Variants in DIAPH2 observed in about 807,000 individuals in gnomAD.
DIAPH2 encodes the protein diaphanous related formin 2.
In DIAPH2, 35 loss-of-function variants were observed where a neutral mutation model predicts 92.7. The observed-to-expected ratio is 0.38, with a 90% confidence interval of 0.29 to 0.50. DIAPH2 has a LOEUF of 0.50. Ranked by LOEUF, DIAPH2 falls within the 20% of genes least tolerant of loss-of-function variation. DIAPH2 has a pLI of 0.94. For synonymous variants in DIAPH2, 301 were observed against 280.4 expected (o/e 1.07, Z -0.73); for missense variants, 701 against 819.5 (o/e 0.86, Z 1.77).
At chrX:97,431,554 C>T (rs1055895039) in intron 26 of DIAPH2, 5 of 112,340 alleles carry the variant, frequency 4.5e-5, no homozygotes, top group African/African-American at 1.3e-4. Flanking sequence ...TATTCACAAA[C>T]TGCATAATTT....
At chrX:96,790,900 G>A (rs758048543) in intron 4 of DIAPH2, among the ~76,000 whole-genome samples, 39 of 111,290 alleles carry the variant, frequency 3.5e-4, no homozygotes, top group African/African-American at 9.8e-4. Flanking sequence ...ATCTTGATGA[G>A]GTATTATCAA....
chrX:97,561,917 A>G (rs2071296478), intron 26 of DIAPH2, among the ~76,000 whole-genome samples: 1 of 112,386 alleles, frequency 8.9e-6, no homozygotes. Context: ...TTTACTATGG[A>G]TATAGTCATA....
At chrX:97,068,227 A>G (rs2066646127) in intron 17 of DIAPH2, among the ~76,000 whole-genome samples, 1 of 111,689 alleles carries the variant, frequency 9.0e-6, no homozygotes, top group Non-Finnish European at 1.9e-5. Flanking sequence ...CATATGATCA[A>G]GTTTGTCCTT....
intron 10 of DIAPH2, among the ~76,000 whole-genome samples, chrX:96,934,316 C>T (rs921214544): frequency 3.6e-5 from 4 of 111,597 alleles, no homozygotes; most frequent in Admixed American, 1.9e-4. Context: ...AAAATCCTTA[C>T]GTTTTCTTCT....
chrX:97,411,796 G>C (rs2069877177), intron 25 of DIAPH2, among the ~76,000 whole-genome samples: 1 of 111,727 alleles, frequency 9.0e-6, no homozygotes, highest in African/African-American at 3.3e-5. Context: ...AAGATCAAAA[G>C]AGACAAAGAA....
chrX:96,989,930 TAG>T (rs1190909508), intron 17 of DIAPH2, among the ~76,000 whole-genome samples: 1 of 112,297 alleles, frequency 8.9e-6, no homozygotes, highest in Non-Finnish European at 1.9e-5. Flanking sequence ...TTAAAACATG[TAG>T]AGAGTCATGC....
chrX:96,930,837 G>A lies in DIAPH2; in HGVS notation c.1083G>A (p.Met361Ile). ...TCCTCCGTTCAGGACTAAAAACAAT[G>A]TTACCAGTAAGTTGAATGTATACAT... ...NEFLRSGLKT[M>I]LPDLKEKEND... Residue 361 changes from methionine (M) to isoleucine (I), a missense_variant, in exon 10 of 27, where the codon ATG (methionine) becomes ATA (isoleucine). This residue lies in a region of DIAPH2 where 536 missense variants were observed against 599.3 expected (regional missense o/e 0.89). Transcript: ENST00000324765. The A allele has an allele frequency of 5.1e-6, 6 of 1,178,963 alleles. No homozygotes were observed. The highest frequency in any genetic ancestry group is 6.8e-6 in the Non-Finnish European group (6 of 882,565).
intron 1 of DIAPH2, among the ~76,000 whole-genome samples, chrX:96,710,414 A>G (rs1002157806): frequency 1.8e-5 from 2 of 111,816 alleles, no homozygotes; most frequent in Non-Finnish European, 3.8e-5. Flanking sequence ...ATAGTAGTCA[A>G]ATGGTTAGAA....
intron 24 of DIAPH2, among the ~76,000 whole-genome samples, chrX:97,371,018 G>C (rs1299312925): frequency 9.0e-6 from 1 of 111,719 alleles, no homozygotes; most frequent in South Asian, 3.8e-4. Context: ...AGAAGATTTA[G>C]AGCATGAAAA....
In DIAPH2 at chrX:96,951,006, A is replaced by G. The variant is rs757336403; in HGVS notation, c.1614+1967A>G. Among the ~76,000 whole-genome samples, 16 of 111,916 alleles carry G rather than the reference A, an allele frequency of 1.4e-4. No homozygotes were observed. The South Asian group carries it at 5.3e-3, about 37-fold the overall frequency. On this transcript the variant is annotated intron_variant, in intron 15 of 26. Transcript: ENST00000324765. ...ACGAAAGCATTCCATAGTCCAATAAATTGAGTACGCATGAAATTCTCATCT... is the reference window on the plus strand; with the variant it reads ...ACGAAAGCATTCCATAGTCCAATAAGTTGAGTACGCATGAAATTCTCATCT...
At chrX:97,483,977 T>TA (rs1491467863) in intron 26 of DIAPH2, among the ~76,000 whole-genome samples, 4 of 111,905 alleles carry the variant, frequency 3.6e-5, no homozygotes, top group Non-Finnish European at 7.5e-5. Flanking sequence ...GAAAATCTTT[T>TA]AAAAAAATCA....
intron 26 of DIAPH2, among the ~76,000 whole-genome samples, chrX:97,570,849 A>G (rs765813003): frequency 9.8e-5 from 11 of 111,882 alleles, no homozygotes; most frequent in Non-Finnish European, 2.1e-4. Context: ...ACAAGGTTAT[A>G]TTTAATTAGC....
At chrX:97,304,809 G>T (rs2068733090) in intron 23 of DIAPH2, among the ~76,000 whole-genome samples, 1 of 112,205 alleles carries the variant, frequency 8.9e-6, no homozygotes, top group African/African-American at 3.2e-5. Context: ...GTTGTAAAGT[G>T]AGTATTTTGC....
At chrX:96,795,155 C>G (rs1246544985) in intron 4 of DIAPH2, among the ~76,000 whole-genome samples, 2 of 111,556 alleles carry the variant, frequency 1.8e-5, no homozygotes, top group Non-Finnish European at 3.8e-5. Context: ...ATTCAACCCA[C>G]TATTTCAGCA....
intron 26 of DIAPH2, among the ~76,000 whole-genome samples, chrX:97,457,467 C>T (rs750101407): frequency 4.4e-5 from 5 of 112,545 alleles, no homozygotes; most frequent in South Asian, 7.4e-4. Context: ...ACCTTTAAAA[C>T]GTAGAAGCTT....
intron 22 of DIAPH2, among the ~76,000 whole-genome samples, chrX:97,210,878 A>C (rs2067834384): frequency 8.9e-6 from 1 of 112,042 alleles, no homozygotes; most frequent in African/African-American, 3.2e-5. Context: ...TTAAACTTTG[A>C]TGAGGCCAGG....
intron 26 of DIAPH2, among the ~76,000 whole-genome samples, chrX:97,485,900 G>A (rs1186403446): frequency 1.8e-5 from 2 of 110,111 alleles, no homozygotes; most frequent in African/African-American, 6.6e-5. Flanking sequence ...GCACAAAGTG[G>A]TCATTGCACC....
chrX:96,847,324 T>C (rs1020559050), intron 4 of DIAPH2, among the ~76,000 whole-genome samples: 4 of 112,033 alleles, frequency 3.6e-5, no homozygotes, highest in Non-Finnish European at 7.5e-5. Context: ...CCTTAAGAGA[T>C]ACTGAGTTGA....
rs751579015 is a variant in DIAPH2, at chrX:97,519,741, A to T, written c.3242-79512A>T. On this transcript the variant is annotated intron_variant, in intron 26 of 26. Coordinates refer to ENST00000324765, the MANE Select transcript of DIAPH2 (RefSeq NM_006729.5). ...TTATTTATTTTTATTTTTTATTTTTATTTTTTTTGAGATGGAGTCTCACTC... is the reference window on the plus strand; with the variant it reads ...TTATTTATTTTTATTTTTTATTTTTTTTTTTTTTGAGATGGAGTCTCACTC... 2.9e-3 allele frequency among the ~76,000 whole-genome samples: 317 copies of T among 109,254 alleles called. 3 individuals carry two copies. The highest frequency in any genetic ancestry group is 4.4e-3 in the Non-Finnish European group (230 of 52,291). The allele number at this position is 109,254 out of a possible 115,157, so 94.9% of individuals were successfully genotyped here.
Sources: allele counts gnomAD v4.1 joint callset (sites outside exome capture counted in the v4.1 genomes callset), GRCh38; gene constraint gnomAD v4.1.1; regional missense constraint gnomAD v4.1.1; transcripts MANE v1.5; gene names NCBI Gene and HGNC (gene_info 2026-07-23, HGNC 2026-07-21).